The following FILIP1L variants were observed in gnomAD, a reference collection of about 807,000 sequenced individuals.
The protein encoded by FILIP1L is filamin A-interacting protein 1-like.
In FILIP1L, 55 loss-of-function variants were observed where a neutral mutation model predicts 96.6. That is an observed-to-expected ratio of 0.57 (90% confidence interval 0.46 to 0.71). FILIP1L has a LOEUF of 0.71. Ranked by LOEUF, FILIP1L falls within the 30% of genes least tolerant of loss-of-function variation. FILIP1L has a pLI of 0.00. For synonymous variants in FILIP1L, 467 were observed against 473.9 expected, an observed-to-expected ratio of 0.99 and a Z score of 0.19; for missense variants, 1,304 against 1,321.2, an observed-to-expected ratio of 0.99 and a Z score of 0.20.
At chr3:100,003,992 A>T (rs966219710) in intron 1 of FILIP1L, among the ~76,000 whole-genome samples, 1 of 152,078 alleles carries the variant, frequency 6.6e-6, no homozygotes, top group African/African-American at 2.4e-5. Context: ...GTGTATATTG[A>T]TTTTTCTGTA....
intron 1 of FILIP1L, among the ~76,000 whole-genome samples, chr3:100,062,364 G>T (rs1466872150): frequency 6.6e-6 from 1 of 151,898 alleles, no homozygotes; most frequent in Non-Finnish European, 1.5e-5. Context: ...ACCCGTCTCG[G>T]CCTCTCAAAG....
intron 1 of FILIP1L, among the ~76,000 whole-genome samples, chr3:100,045,260 A>G (rs2065261071): frequency 6.6e-6 from 1 of 152,244 alleles, no homozygotes; most frequent in Non-Finnish European, 1.5e-5. Flanking sequence ...GGATGCGTAC[A>G]GCACATAGCA....
At position 99,923,332 on chromosome 3, in the gene FILIP1L, G is replaced by A. The variant is rs558181055; in HGVS notation, c.605+898C>T. Among the ~76,000 whole-genome samples the A allele has an allele frequency of 5.3e-5, 8 of 152,014 alleles. No homozygotes were observed. In the South Asian group the frequency reaches 1.7e-3, roughly 32 times the overall value. ...ACACCAGATACTGTAATATACCAAGGTACCTCATACTCAACATGTCTAAAC... is the reference window on the plus strand; with the variant it reads ...ACACCAGATACTGTAATATACCAAGATACCTCATACTCAACATGTCTAAAC... On this transcript the variant is annotated intron_variant, in intron 4 of 5. Coordinates refer to ENST00000477258, the MANE Select transcript of FILIP1L (RefSeq NM_001387850.1).
chr3:99,919,338 G>T (rs934967575), intron 4 of FILIP1L, among the ~76,000 whole-genome samples: 1 of 151,010 alleles, frequency 6.6e-6, no homozygotes, highest in African/African-American at 2.4e-5. Context: ...AAAGCCTGCA[G>T]TGGTGTCTTT....
chr3:100,030,686 A>G (rs1484431382), intron 1 of FILIP1L, among the ~76,000 whole-genome samples: 1 of 152,180 alleles, frequency 6.6e-6, no homozygotes, highest in Non-Finnish European at 1.5e-5. Context: ...TTAAACCAGT[A>G]TCCAATAACT....
chr3:99,871,344 G>A (rs1196040361), intron 4 of FILIP1L, among the ~76,000 whole-genome samples: 1 of 152,122 alleles, frequency 6.6e-6, no homozygotes, highest in Non-Finnish European at 1.5e-5. Context: ...CTTCTAGGTT[G>A]TAATTTGTTC....
chr3:99,924,668 G>C (rs889153302), intron 3 of FILIP1L, among the ~76,000 whole-genome samples: 2 of 152,216 alleles, frequency 1.3e-5, no homozygotes, highest in Admixed American at 6.5e-5. Flanking sequence ...ACAGGCATGC[G>C]CCACCATGCC....
Position 99,849,981 on chromosome 3 carries a change from A to C in FILIP1L, c.1695T>G (p.Asp565Glu), listed in dbSNP as rs750578542. The C allele has an allele frequency of 6.2e-7, 1 of 1,612,230 alleles. No individual in the cohort carries two copies. Among genetic ancestry groups the C allele is most frequent in the South Asian group, 1.1e-5 (1 of 90,348 alleles). ...EKMYSVTKER[D>E]DLKNKLKAEE... ...CCGCTTTCAATTTGTTTTTTAAATC[A>C]TCTCTCTCCTTGGTTACGCTGTACA... The change falls in exon 5 of 6, where the codon GAT (aspartate) becomes GAG (glutamate). Residue 565 changes from aspartate (D) to glutamate (E), a missense_variant. Physicochemically the swap from Asp to Glu is conservative, Grantham distance 45. Transcript: ENST00000477258.
At position 99,866,113 on chromosome 3, in the gene FILIP1L, A is replaced by G. The variant is rs539967118; in HGVS notation, c.606-15043T>C. ...CTTTATTCTCTCCTTTGTAGAAAGC[A>G]TGTATCCTTTTCCAGAACTTATTCT... On this transcript the variant is annotated intron_variant, in intron 4 of 5. Transcript: ENST00000477258. Among the ~76,000 whole-genome samples, 5 of 150,942 alleles carry G rather than the reference A, an allele frequency of 3.3e-5. No homozygotes were observed. In the South Asian group the frequency reaches 1.0e-3, roughly 31 times the overall value.
At chr3:99,967,402 G>C (rs1373453876) in intron 1 of FILIP1L, among the ~76,000 whole-genome samples, 4 of 152,178 alleles carry the variant, frequency 2.6e-5, no homozygotes, top group Admixed American at 1.3e-4. Flanking sequence ...AAATAGAAGT[G>C]TTCACTTTTT....
rs540964480 is a variant in FILIP1L at position 100,111,399 on chromosome 3, TA to T, written c.-11+2653del. 3.4e-4 allele frequency among the ~76,000 whole-genome samples: 52 copies of T among 152,344 alleles called. 2 individuals are homozygous for T. In the South Asian group the frequency reaches 5.8e-3, roughly 17 times the overall value. On this transcript the variant is annotated intron_variant, in intron 1 of 5. Transcript: ENST00000477258. Reference sequence around the variant, plus strand: ...GAAAACATTAGCTGGGCTAGTCCCTTAAATATCTAAAACTTAGTTTATCTAT... The same window carrying T: ...GAAAACATTAGCTGGGCTAGTCCCTTAATATCTAAAACTTAGTTTATCTAT...
chr3:99,847,570 A>C (rs1943423713), intron 5 of FILIP1L, among the ~76,000 whole-genome samples: 1 of 152,196 alleles, frequency 6.6e-6, no homozygotes, highest in Non-Finnish European at 1.5e-5. Flanking sequence ...CTATGTGCTC[A>C]TGAAAACCAA....
chr3:100,064,852 G>A (rs2065635864), intron 1 of FILIP1L, among the ~76,000 whole-genome samples: 1 of 149,624 alleles, frequency 6.7e-6, no homozygotes, highest in Non-Finnish European at 1.5e-5. Context: ...AAAAAGATTG[G>A]TAGAGGGCAG....
intron 5 of FILIP1L, among the ~76,000 whole-genome samples, chr3:99,831,605 A>G (rs989610135): frequency 5.3e-5 from 8 of 152,244 alleles, no homozygotes; most frequent in African/African-American, 1.9e-4. Context: ...TATTGTGACT[A>G]TAGCATTAAT....
At chr3:99,845,292 A>G (rs907325158) in intron 5 of FILIP1L, among the ~76,000 whole-genome samples, 3 of 152,172 alleles carry the variant, frequency 2.0e-5, no homozygotes, top group African/African-American at 7.2e-5. Flanking sequence ...AAAAAACATG[A>G]TAAAATCATT....
At chr3:99,960,771 T>A (rs1559704486) in intron 1 of FILIP1L, among the ~76,000 whole-genome samples, 1 of 152,242 alleles carries the variant, frequency 6.6e-6, no homozygotes, top group Non-Finnish European at 1.5e-5. Flanking sequence ...ATTGATTTTA[T>A]GTTTACTTAC....
chr3:100,068,614 G>A (rs1454033691), intron 1 of FILIP1L, among the ~76,000 whole-genome samples: 2 of 152,084 alleles, frequency 1.3e-5, no homozygotes, highest in African/African-American at 2.4e-5. Context: ...GAAAAATTCT[G>A]AAACAATAGT....
chr3:100,086,139 T>C (rs1160742696), intron 1 of FILIP1L, among the ~76,000 whole-genome samples: 1 of 152,246 alleles, frequency 6.6e-6, no homozygotes, highest in Non-Finnish European at 1.5e-5. Flanking sequence ...CGAACCTGCA[T>C]AAAGAGCATA....
intron 1 of FILIP1L, among the ~76,000 whole-genome samples, chr3:100,105,239 G>A (rs2066374666): frequency 6.6e-6 from 1 of 152,164 alleles, no homozygotes; most frequent in African/African-American, 2.4e-5. Context: ...AGAGCTTAAA[G>A]TTGAAATAAC....
Sources: gnomAD v4.1 joint callset for allele counts (sites outside exome capture counted in the v4.1 genomes callset) on GRCh38, gnomAD v4.1.1 for gene constraint, MANE v1.5 for transcripts, NCBI Gene and HGNC (gene_info 2026-07-23, HGNC 2026-07-21) for gene names.